Variants in TBC1D10A observed in about 807,000 individuals in gnomAD.
TBC1D10A encodes the protein EBP50-PDX interactor of 64 kDa.
Under a neutral mutation model 52.9 loss-of-function variants are expected in TBC1D10A, and 24 were observed. The ratio of observed to expected loss-of-function variants is 0.45; its 90% CI spans 0.33 to 0.64. TBC1D10A has a LOEUF of 0.64. Among genes scored for constraint, TBC1D10A ranks in the 30% least tolerant of loss-of-function variants. The pLI, the probability that TBC1D10A is intolerant of heterozygous loss-of-function variation, is 0.02. For synonymous variants in TBC1D10A, 278 were observed against 282.9 expected (o/e 0.98, Z 0.17); for missense variants, 602 against 687.9 (o/e 0.88, Z 1.40).
At position 30,292,308 on chromosome 22, in the gene TBC1D10A, T is replaced by G; in HGVS notation, c.*67A>C. 4 of 1,390,432 alleles carry G rather than the reference T, an allele frequency of 2.9e-6. No homozygotes were observed. The highest frequency in any genetic ancestry group is 3.9e-6 in the Non-Finnish European group (4 of 1,034,768). The allele number at this position is 1,390,432 out of a possible 1,614,324, so 86.1% of individuals were successfully genotyped here. A position where few individuals can be genotyped will look rare whatever the true frequency, so the allele number is the denominator to read the frequency against. On this transcript the variant is annotated 3_prime_UTR_variant, in exon 9 of 9. Coordinates refer to ENST00000215790, the MANE Select transcript of TBC1D10A (RefSeq NM_031937.3). ...TGGCCCTCAGAGGGTGGGCAGGATG[T>G]GGAATGTCAGTTCATGAACCGTGTA...
intron 3 of TBC1D10A, chr22:30,298,212 T>C (rs1930124940): frequency 6.6e-6 from 1 of 152,238 alleles, no homozygotes; most frequent in Non-Finnish European, 1.5e-5. Flanking sequence ...ACTATGGACT[T>C]GGACTGAGGT....
chr22:30,322,294 A>C lies in TBC1D10A; in HGVS notation c.209+4379T>G, dbSNP rs528689058. On this transcript the variant is annotated intron_variant, in intron 1 of 8. Coordinates refer to ENST00000215790, the MANE Select transcript of TBC1D10A (RefSeq NM_031937.3). ...CTGCACCCGGCCCTTCCTGGGCTTC[A>C]ATGCCCCACTCGGTCTCCAGCCAAG... 3.3e-5 allele frequency among the ~76,000 whole-genome samples: 5 copies of C among 152,078 alleles called. No homozygotes were observed. The East Asian group carries it at 9.7e-4, about 29-fold the overall frequency.
At position 30,326,916 on chromosome 22, in the gene TBC1D10A, A is replaced by G. The variant is rs747580563; in HGVS notation, c.-35T>C. The G allele has an allele frequency of 1.4e-6, 2 of 1,427,912 alleles. No individual in the cohort carries two copies. The highest frequency in any genetic ancestry group is 5.6e-5 in the Admixed American group (2 of 35,584). 88.5% of individuals were successfully genotyped at this position (1,427,912 alleles called of 1,614,324 possible). ...GCCCGCCGCCTGAGCTCCAGCGGCC[A>G]CCTCAGCCGCCCTGCTGCCGCCGAC... On this transcript the variant is annotated 5_prime_UTR_variant, in exon 1 of 9. Transcript: ENST00000215790.
chr22:30,320,914 G>T (rs1025769627), intron 1 of TBC1D10A, among the ~76,000 whole-genome samples: 1 of 152,232 alleles, frequency 6.6e-6, no homozygotes, highest in Non-Finnish European at 1.5e-5. Context: ...TCTGGCGCTT[G>T]TGTGAGGAGG....
chr22:30,313,578 T>G (rs1352573534), intron 1 of TBC1D10A, among the ~76,000 whole-genome samples: 1 of 143,084 alleles, frequency 7.0e-6, no homozygotes, highest in Non-Finnish European at 1.5e-5. Flanking sequence ...TTTTTTTTTT[T>G]TTTTAGCAGA....
At chr22:30,296,055 G>A in intron 3 of TBC1D10A, 1 of 572,540 alleles carries the variant, frequency 1.7e-6, no homozygotes, top group Non-Finnish European at 3.1e-6. Context: ...GAAGGGCCCT[G>A]GAAACCTTAA....
rs571333904 is a variant in TBC1D10A at position 30,302,728 on chromosome 22, TG to T, written c.309+1802del. Among the ~76,000 whole-genome samples, 221 of 152,306 alleles carry T rather than the reference TG, an allele frequency of 1.5e-3. 2 individuals are homozygous for T. The highest frequency in any genetic ancestry group is 5.0e-3 in the African/African-American group (206 of 41,570). ...GCCTCAGCTGGGCAGGGGCAGGTCT[TG>T]GGCTCTAACCACAGTGCCAGGAAAG... On this transcript the variant is annotated intron_variant, in intron 2 of 8. Coordinates refer to ENST00000215790, the MANE Select transcript of TBC1D10A (RefSeq NM_031937.3).
rs760017036 is a variant in TBC1D10A, at chr22:30,294,921, T to G, written c.639+20A>C. The G allele has an allele frequency of 1.1e-5, 17 of 1,613,810 alleles. No homozygotes were observed. The East Asian group carries it at 3.6e-4, about 34-fold the overall frequency. ...GGGGTTCCCCACCCACCCCCCTGCC[T>G]GCCCGGGGCCTGGTGGTACCTCAGC... On this transcript the variant is annotated intron_variant, in intron 5 of 8. Transcript: ENST00000215790.
intron 1 of TBC1D10A, among the ~76,000 whole-genome samples, chr22:30,314,709 G>C (rs1284408758): frequency 2.0e-5 from 3 of 151,944 alleles, no homozygotes; most frequent in Admixed American, 1.3e-4. Context: ...CTACTCAGGA[G>C]GCTGAGGTGG....
chr22:30,293,777 C>G lies in TBC1D10A; in HGVS notation c.924G>C (p.Leu308=). The G allele has an allele frequency of 6.2e-7, 1 of 1,612,142 alleles. No homozygotes were observed. The highest frequency in any genetic ancestry group is 1.1e-5 in the South Asian group (1 of 91,066). ...EGVKIIFRVG[L]VLLKHALGSP... Reference sequence around the variant, plus strand: ...AGCCCAGCGCGTGCTTCAGCAGCACCAGCCCCACCCGGAAGATGATCTTGA... The same window carrying G: ...AGCCCAGCGCGTGCTTCAGCAGCACGAGCCCCACCCGGAAGATGATCTTGA... Residue 308 remains leucine, a synonymous_variant, in exon 8 of 9, where the codon CTG becomes CTC. Coordinates refer to ENST00000215790, the MANE Select transcript of TBC1D10A (RefSeq NM_031937.3).
intron 1 of TBC1D10A, among the ~76,000 whole-genome samples, chr22:30,308,135 T>G (rs1271597390): frequency 6.6e-6 from 1 of 152,228 alleles, no homozygotes; most frequent in Non-Finnish European, 1.5e-5. Flanking sequence ...GGCTTAGTAA[T>G]GTTAAGAGTG....
chr22:30,321,868 G>A (rs952498075), intron 1 of TBC1D10A, among the ~76,000 whole-genome samples: 3 of 152,064 alleles, frequency 2.0e-5, no homozygotes, highest in African/African-American at 7.2e-5. Flanking sequence ...CTATGCTACA[G>A]AAGGGACACC....
chr22:30,301,349 G>C (rs1930198286), intron 2 of TBC1D10A, among the ~76,000 whole-genome samples: 1 of 152,236 alleles, frequency 6.6e-6, no homozygotes, highest in African/African-American at 2.4e-5. Context: ...CTGGGATAAA[G>C]GGGATGGGCG....
At chr22:30,292,884 CAAG>C (rs750031046) in intron 8 of TBC1D10A, 33 bp from the exon 9 acceptor site, 9 of 1,605,970 alleles carry the variant, frequency 5.6e-6, no homozygotes, top group East Asian at 4.5e-5. Context: ...AAGTGGACAC[CAAG>C]AAGAAGGACC....
rs4823089 is a variant in TBC1D10A at position 30,304,618 on chromosome 22, T to G, written c.222A>C (p.Val74=). ...CCCTCTGCCTCAGCACCTCCAGGGGTACTTCCTCCAGCCTGTGGAGCAGAG... is the reference window on the plus strand; with the variant it reads ...CCCTCTGCCTCAGCACCTCCAGGGGGACTTCCTCCAGCCTGTGGAGCAGAG... ...SQGAEGALEE[V]PLEVLRQRES... is the part of the protein sequence containing the mutation. Residue 74 remains valine, a synonymous_variant, in exon 2 of 9, where the codon GTA becomes GTC. Transcript: ENST00000215790. The G allele has an allele frequency of 0.22, 359,814 of 1,613,642 alleles. 42,161 individuals are homozygous for G. Among genetic ancestry groups the G allele is most frequent in the Middle Eastern group, 0.28 (1,678 of 6,058 alleles).
chr22:30,296,056 G>A, intron 3 of TBC1D10A: 1 of 572,598 alleles, frequency 1.7e-6, no homozygotes, highest in Non-Finnish European at 3.1e-6. Flanking sequence ...AAGGGCCCTG[G>A]AAACCTTAAA....
chr22:30,299,968 A>G (rs1373574059), intron 2 of TBC1D10A, among the ~76,000 whole-genome samples: 1 of 151,158 alleles, frequency 6.6e-6, no homozygotes, highest in Non-Finnish European at 1.5e-5. Flanking sequence ...TCTGTCTCAA[A>G]AAAAAAAAAA....
intron 8 of TBC1D10A, chr22:30,293,135 G>A (rs1929988788): frequency 1.6e-6 from 1 of 633,960 alleles, no homozygotes; most frequent in East Asian, 2.9e-5. Flanking sequence ...GACCCAGACA[G>A]ACAAAAACCT....
rs1929973492 is a variant in TBC1D10A at position 30,292,649 on chromosome 22, A to G, written c.1253T>C (p.Leu418Pro). ...PSIRLPLDAP[L>P]PGSKAKPKPP... ...CTTGGGCTTGGCTTTGGAGCCAGGG[A>G]GGGGGGCATCTAGGGGCAGGCGGAT... Residue 418 changes from leucine (L) to proline (P), a missense_variant, in exon 9 of 9, where the codon CTC becomes CCC. Physicochemically the swap from Leu to Pro is moderately conservative, Grantham distance 98 (BLOSUM62 -3). Transcript: ENST00000215790. 6.2e-7 allele frequency: 1 copy of G among 1,610,622 alleles called. No homozygotes were observed. The highest frequency in any genetic ancestry group is 1.7e-5 in the Admixed American group (1 of 59,780).
Sources: allele counts gnomAD v4.1 joint callset (sites outside exome capture counted in the v4.1 genomes callset), GRCh38; gene constraint gnomAD v4.1.1; transcripts MANE v1.5; gene names NCBI Gene and HGNC (gene_info 2026-07-23, HGNC 2026-07-21).